PSIP1: variants seen among roughly 807,000 people sequenced by gnomAD.
PSIP1 encodes PC4 and SRSF1 interacting protein 1, also known as PC4 and SFRS1-interacting protein.
Under a neutral mutation model 74.7 loss-of-function variants are expected in PSIP1, and 19 were observed. The ratio of observed to expected loss-of-function variants is 0.25; its 90% CI spans 0.18 to 0.37. The LOEUF (loss-of-function observed/expected upper bound fraction) is 0.37. Among genes scored for constraint, PSIP1 ranks in the 10% least tolerant of loss-of-function variants. The probability of loss-of-function intolerance (pLI) is 1.00; values close to 1 mark genes in which losing one functional copy is unlikely to be tolerated. For missense variants in PSIP1, 601 were observed against 614.3 expected (o/e 0.98, Z 0.23); for synonymous variants, 222 against 195.3 (o/e 1.14, Z -1.14).
chr9:15,474,068 T>A lies in PSIP1; in HGVS notation c.799A>T (p.Thr267Ser). ...VESKRKNLAK[T>S]GVTSTSDSEE... ...GAATCGGAGGTTGAAGTAACCCCTG[T>A]TTTAGCTAAATTTTTCCTTTTTGAT... The change falls in exon 9 of 16, where the codon ACA becomes TCA. Residue 267 changes from threonine (T) to serine (S), a missense_variant. Physicochemically the swap from Thr to Ser is moderately conservative, Grantham distance 58. Transcript: ENST00000380733. 6.2e-7 allele frequency: 1 copy of A among 1,613,798 alleles called. No individual in the cohort carries two copies. Among genetic ancestry groups the A allele is most frequent in the Non-Finnish European group, 8.5e-7 (1 of 1,179,912 alleles).
At chr9:15,504,783 G>T (rs1340409991) in intron 3 of PSIP1, among the ~76,000 whole-genome samples, 1 of 149,920 alleles carries the variant, frequency 6.7e-6, no homozygotes, top group Non-Finnish European at 1.5e-5. Context: ...ACAAAAATCA[G>T]AATTAAAGAC....
chr9:15,504,028 A>T (rs2075841357), intron 3 of PSIP1, among the ~76,000 whole-genome samples: 4 of 152,124 alleles, frequency 2.6e-5, no homozygotes, highest in Admixed American at 2.6e-4. Flanking sequence ...TACACGCGTA[A>T]GCCACCGCGC....
chr9:15,478,209 A>G lies in PSIP1; in HGVS notation c.629+268T>C, dbSNP rs537091843. The stretch of plus-strand genomic sequence containing the variant: ...TTCCTGAAACATACCATCTTGCCCA[A>G]TTTCTCTATTATATATTTTATGTTG... On this transcript the variant is annotated intron_variant, in intron 8 of 15. Transcript: ENST00000380733. 5.9e-4 allele frequency among the ~76,000 whole-genome samples: 89 copies of G among 151,482 alleles called. 1 individual carries two copies. The highest frequency in any genetic ancestry group is 9.4e-4 in the Non-Finnish European group (64 of 67,966).
chr9:15,467,569 C>T (rs2035689127), intron 14 of PSIP1, among the ~76,000 whole-genome samples: 1 of 152,154 alleles, frequency 6.6e-6, no homozygotes, highest in Non-Finnish European at 1.5e-5. Context: ...CGTAAAACAA[C>T]TTTCAAGAGG....
At chr9:15,503,243 T>G (rs1314127817) in intron 3 of PSIP1, among the ~76,000 whole-genome samples, 1 of 151,964 alleles carries the variant, frequency 6.6e-6, no homozygotes, top group Non-Finnish European at 1.5e-5. Flanking sequence ...GGCGGGTGCC[T>G]GTAATCCTGA....
At chr9:15,475,073 C>T (rs922916190) in intron 8 of PSIP1, among the ~76,000 whole-genome samples, 1 of 152,094 alleles carries the variant, frequency 6.6e-6, no homozygotes, top group African/African-American at 2.4e-5. Context: ...ATCTCAATTC[C>T]AAATCCATTA....
chr9:15,503,141 T>A (rs1235217669), intron 3 of PSIP1, among the ~76,000 whole-genome samples: 8 of 150,386 alleles, frequency 5.3e-5, no homozygotes, highest in Admixed American at 5.3e-4. Context: ...CCAAGGCAGG[T>A]GGATCACTTG....
intron 4 of PSIP1, 70 bp downstream of exon 4, chr9:15,489,916 C>T: frequency 2.4e-6 from 3 of 1,264,008 alleles, no homozygotes; most frequent in Non-Finnish European, 1.1e-6. Context: ...ATTTACTTTC[C>T]TACAGCTAGG....
chr9:15,475,295 G>A (rs1226271617), intron 8 of PSIP1, among the ~76,000 whole-genome samples: 1 of 152,088 alleles, frequency 6.6e-6, no homozygotes, highest in Admixed American at 6.6e-5. Context: ...GTAAAAGCAT[G>A]CAAGTGAAAC....
intron 6 of PSIP1, among the ~76,000 whole-genome samples, chr9:15,480,083 T>A (rs939873240): frequency 6.6e-6 from 1 of 152,226 alleles, no homozygotes; most frequent in Non-Finnish European, 1.5e-5. Flanking sequence ...GTTATTCTTA[T>A]TTCCCGTAAG....
intron 2 of PSIP1, among the ~76,000 whole-genome samples, chr9:15,509,213 T>TA (rs2037736655): frequency 6.6e-6 from 1 of 152,162 alleles, no homozygotes; most frequent in Admixed American, 6.5e-5. Flanking sequence ...CTTGGAAAAA[T>TA]AAAACTTCAG....
chr9:15,510,584 T>C (rs1168333975), intron 1 of PSIP1, among the ~76,000 whole-genome samples: 1 of 151,936 alleles, frequency 6.6e-6, no homozygotes, highest in African/African-American at 2.4e-5. Flanking sequence ...TCCGGGCTTT[T>C]TCCACCGAGC....
At position 15,486,873 on chromosome 9, in the gene PSIP1, C is replaced by T. The variant is rs1215427040; in HGVS notation, c.347G>A (p.Ser116Asn). 11 of 1,612,592 alleles carry T rather than the reference C, an allele frequency of 6.8e-6. No individual in the cohort carries two copies. In the South Asian group the frequency reaches 7.7e-5, roughly 11 times the overall value. ...ATGGTCGGTATCTTCCTTTGAAACA[C>T]TAGTTTCCTTTTCTTCAACTTCAAC... is the stretch of plus-strand genomic sequence containing the variant. ...SDVEVEEKET[S>N]VSKEDTDHEE... The change falls in exon 5 of 16, where the codon AGT becomes AAT. Residue 116 changes from serine to asparagine, a missense_variant. This residue lies in a region of PSIP1 where 538 missense variants were observed against 507.6 expected (regional missense o/e 1.06). Coordinates refer to ENST00000380733, the MANE Select transcript of PSIP1 (RefSeq NM_033222.5).
chr9:15,487,914 A>T (rs113027101), intron 4 of PSIP1, among the ~76,000 whole-genome samples: 1,532 of 152,320 alleles, frequency 0.01, 22 homozygotes, highest in African/African-American at 0.035. Context: ...TAAAGTCACT[A>T]ATCATTTAAT....
intron 14 of PSIP1, 90 bp from the exon 15 acceptor site, chr9:15,466,949 C>A: frequency 1.1e-6 from 1 of 915,850 alleles, no homozygotes; most frequent in South Asian, 1.5e-5. Context: ...CAAAATACAA[C>A]ATGGCCATCG....
chr9:15,484,145 A>C (rs1239365757), intron 6 of PSIP1, among the ~76,000 whole-genome samples: 2 of 151,392 alleles, frequency 1.3e-5, no homozygotes, highest in African/African-American at 2.4e-5. Flanking sequence ...AAAAAAAAAA[A>C]AACAAATTTA....
rs74366322 is a variant in PSIP1, at chr9:15,464,441, A to G, written c.*1079T>C. 6,988 of 199,256 alleles carry G rather than the reference A, an allele frequency of 0.035. 507 individuals carry two copies. Among genetic ancestry groups the G allele is most frequent in the African/African-American group, 0.15 (6,597 of 43,458 alleles). The allele number at this position is 199,256 out of a possible 1,614,324, so 12.3% of individuals were successfully genotyped here. A position where few individuals can be genotyped will look rare whatever the true frequency, so the allele number is the denominator to read the frequency against. The stretch of plus-strand genomic sequence containing the variant: ...GCTATCCTTTAGTTAACATACCCTT[A>G]AATTTTGTAACATTGATTTTACCCT... On this transcript the variant is annotated 3_prime_UTR_variant, in exon 16 of 16. Transcript: ENST00000380733.
At chr9:15,493,779 A>G (rs1406621579) in intron 3 of PSIP1, among the ~76,000 whole-genome samples, 2 of 152,158 alleles carry the variant, frequency 1.3e-5, no homozygotes, top group Non-Finnish European at 2.9e-5. Context: ...CACTATCACC[A>G]TAACAGCATT....
intron 14 of PSIP1, chr9:15,468,327 G>A (rs762015223): frequency 3.4e-6 from 2 of 593,988 alleles, no homozygotes; most frequent in East Asian, 4.1e-5. Context: ...CCAGGAAGTG[G>A]GTACTCTAGG....
Sources: gnomAD v4.1 joint callset for allele counts (sites outside exome capture counted in the v4.1 genomes callset) on GRCh38, gnomAD v4.1.1 for gene constraint, gnomAD v4.1.1 regional missense constraint, MANE v1.5 for transcripts, NCBI Gene and HGNC (gene_info 2026-07-23, HGNC 2026-07-21) for gene names.